Variants in ZFAND3 observed in about 807,000 individuals in gnomAD.
ZFAND3 encodes AN1-type zinc finger protein 3.
A neutral mutation model predicts 29.6 loss-of-function variants in ZFAND3; 10 were observed. The ratio of observed to expected loss-of-function variants is 0.34; its 90% CI spans 0.21 to 0.57. The LOEUF (loss-of-function observed/expected upper bound fraction) is 0.57, where lower values mean the gene tolerates loss of function less well. Ranked by LOEUF, ZFAND3 falls within the 20% of genes least tolerant of loss-of-function variation. The pLI is 0.86. For synonymous variants in ZFAND3, 128 were observed against 112.6 expected, an observed-to-expected ratio of 1.14 and a Z score of -0.87; for missense variants, 230 against 304.5, an observed-to-expected ratio of 0.76 and a Z score of 1.82.
chr6:37,968,996 C>G (rs1390286288), intron 2 of ZFAND3, among the ~76,000 whole-genome samples: 1 of 152,206 alleles, frequency 6.6e-6, no homozygotes, highest in Non-Finnish European at 1.5e-5. Context: ...GAGTGAACTT[C>G]CACAAACCTA....
chr6:37,847,853 CATAA>C lies in ZFAND3; in HGVS notation c.71+27843_71+27846del, dbSNP rs1471478616. On this transcript the variant is annotated intron_variant, in intron 1 of 5. Coordinates refer to ENST00000287218, the MANE Select transcript of ZFAND3 (RefSeq NM_021943.3). The stretch of plus-strand genomic sequence containing the variant: ...TACATGAAATTCAATTCAGTATGTT[CATAA>C]ATAAAGTTTTATTGGAACACGGTCA... Among the ~76,000 whole-genome samples, 11 of 152,276 alleles carry C rather than the reference CATAA, an allele frequency of 7.2e-5. No individual in the cohort carries two copies. In the East Asian group the frequency reaches 9.6e-4, roughly 13 times the overall value.
intron 2 of ZFAND3, among the ~76,000 whole-genome samples, chr6:38,047,340 T>C (rs1763924618): frequency 6.6e-6 from 1 of 151,630 alleles, no homozygotes; most frequent in African/African-American, 2.4e-5. Context: ...AAAAGAAATA[T>C]TACTTCTTTC....
chr6:37,857,413 T>G (rs1037922164), intron 1 of ZFAND3, among the ~76,000 whole-genome samples: 1 of 151,966 alleles, frequency 6.6e-6, no homozygotes, highest in African/African-American at 2.4e-5. Context: ...CAATGGTAAG[T>G]AAACATACCA....
At chr6:38,132,089 G>A (rs1411589717) in intron 5 of ZFAND3, among the ~76,000 whole-genome samples, 1 of 152,224 alleles carries the variant, frequency 6.6e-6, no homozygotes, top group Admixed American at 6.5e-5. Context: ...AGATAGGGTA[G>A]TGTCCTTGCT....
chr6:38,123,724 A>G (rs931140262), intron 5 of ZFAND3, among the ~76,000 whole-genome samples: 2 of 152,000 alleles, frequency 1.3e-5, no homozygotes, highest in African/African-American at 2.4e-5. Flanking sequence ...CCTTGCGGTG[A>G]GTGTTACGGT....
chr6:37,965,963 A>G (rs982064234), intron 2 of ZFAND3, among the ~76,000 whole-genome samples: 2 of 152,046 alleles, frequency 1.3e-5, no homozygotes, highest in South Asian at 2.1e-4. Context: ...GGGTTTTGCC[A>G]TGTTACCCAG....
chr6:38,022,498 A>G (rs1003672314), intron 2 of ZFAND3, among the ~76,000 whole-genome samples: 4 of 152,248 alleles, frequency 2.6e-5, no homozygotes, highest in Admixed American at 1.3e-4. Context: ...GTCTTTTAAT[A>G]ACAACAGCCA....
intron 2 of ZFAND3, among the ~76,000 whole-genome samples, chr6:37,982,784 C>T (rs1334183192): frequency 1.3e-5 from 2 of 152,114 alleles, no homozygotes; most frequent in Non-Finnish European, 2.9e-5. Context: ...CAGGCAACTC[C>T]TTCGGGAGGT....
At chr6:38,042,293 A>G (rs1487532099) in intron 2 of ZFAND3, among the ~76,000 whole-genome samples, 1 of 149,384 alleles carries the variant, frequency 6.7e-6, no homozygotes, top group East Asian at 2.0e-4. Context: ...CATGTCACAT[A>G]TAACTCCTTC....
chr6:37,912,780 T>C (rs1765546308), intron 1 of ZFAND3, among the ~76,000 whole-genome samples: 1 of 152,224 alleles, frequency 6.6e-6, no homozygotes, highest in South Asian at 2.1e-4. Context: ...AATAGTCCTG[T>C]AGATGAATGT....
chr6:37,921,898 AC>A (rs1464803734), intron 1 of ZFAND3, among the ~76,000 whole-genome samples: 3,684 of 149,762 alleles, frequency 0.025, 107 homozygotes, highest in African/African-American at 0.071. Flanking sequence ...AAAAAAAAAA[AC>A]AAACCCACAC....
At chr6:38,058,561 T>C (rs913750107) in intron 2 of ZFAND3, among the ~76,000 whole-genome samples, 3 of 152,212 alleles carry the variant, frequency 2.0e-5, no homozygotes, top group African/African-American at 7.2e-5. Flanking sequence ...AGAGCACTGA[T>C]CACCTTAGCA....
At chr6:37,862,791 C>T (rs941382683) in intron 1 of ZFAND3, among the ~76,000 whole-genome samples, 3 of 151,908 alleles carry the variant, frequency 2.0e-5, no homozygotes, top group Middle Eastern at 3.4e-3. Context: ...AACATCTCCA[C>T]GTATTCATGT....
At chr6:37,855,023 G>A (rs796336268) in intron 1 of ZFAND3, among the ~76,000 whole-genome samples, 18 of 141,888 alleles carry the variant, frequency 1.3e-4, no homozygotes, top group African/African-American at 4.7e-4. Flanking sequence ...TTATGGTATG[G>A]TTGCTCACTA....
chr6:37,899,005 C>T (rs996059881), intron 1 of ZFAND3, among the ~76,000 whole-genome samples: 1 of 152,214 alleles, frequency 6.6e-6, no homozygotes, highest in African/African-American at 2.4e-5. Context: ...ACGCCATTCT[C>T]CTACCTCAGC....
chr6:37,996,289 TCAG>T (rs1762848593), intron 2 of ZFAND3, among the ~76,000 whole-genome samples: 1 of 152,202 alleles, frequency 6.6e-6, no homozygotes, highest in South Asian at 2.1e-4. Flanking sequence ...GTATTTCTCT[TCAG>T]CATTATTATC....
Position 38,152,668 on chromosome 6 carries a change from T to TA in ZFAND3, c.*280dup, listed in dbSNP as rs1766253658. ...TGGCTAGTGGATTTAAAACAACACA[T>TA]ACCTGTCACTGCTGGAGTCAAACTT... is the stretch of plus-strand genomic sequence containing the variant. On this transcript the variant is annotated 3_prime_UTR_variant, in exon 6 of 6. Coordinates refer to ENST00000287218, the MANE Select transcript of ZFAND3 (RefSeq NM_021943.3). 1 of 1,129,624 alleles carries TA rather than the reference T, an allele frequency of 8.9e-7. No individual in the cohort carries two copies. The highest frequency in any genetic ancestry group is 4.8e-5 in the Admixed American group (1 of 20,812). 70.0% of individuals were successfully genotyped at this position (1,129,624 alleles called of 1,614,324 possible).
intron 4 of ZFAND3, among the ~76,000 whole-genome samples, chr6:38,093,144 G>A (rs143624801): frequency 2.0e-5 from 3 of 152,318 alleles, no homozygotes; most frequent in East Asian, 3.9e-4. Flanking sequence ...TGCATATAAA[G>A]TAATACTTGA....
At chr6:37,854,458 G>T (rs58305294) in intron 1 of ZFAND3, among the ~76,000 whole-genome samples, 1 of 152,146 alleles carries the variant, frequency 6.6e-6, no homozygotes. Context: ...TTTAGAGATT[G>T]TTGGAGGTGG....
Sources: allele counts gnomAD v4.1 joint callset (sites outside exome capture counted in the v4.1 genomes callset), GRCh38; gene constraint gnomAD v4.1.1; transcripts MANE v1.5; gene names NCBI Gene and HGNC (gene_info 2026-07-23, HGNC 2026-07-21).